Variants in SIN3A observed in about 807,000 individuals in gnomAD.
SIN3A encodes paired amphipathic helix protein Sin3a.
In SIN3A, 14 loss-of-function variants were observed where a neutral mutation model predicts 146.1. The observed-to-expected ratio is 0.10, with a 90% CI of 0.06 to 0.15. The LOEUF is 0.15. Ranked by LOEUF, SIN3A falls within the 10% of genes least tolerant of loss-of-function variation. The pLI, the probability that SIN3A is intolerant of heterozygous loss-of-function variation, is 1.00. For missense variants in SIN3A, 1,028 were observed against 1,576.0 expected, an observed-to-expected ratio of 0.65 and a Z score of 5.89; for synonymous variants, 572 against 572.0, an observed-to-expected ratio of 1.00 and a Z score of 0.00.
At chr15:75,395,424 T>C (rs1452346293) in intron 13 of SIN3A, among the ~76,000 whole-genome samples, 1 of 152,042 alleles carries the variant, frequency 6.6e-6, no homozygotes, top group Non-Finnish European at 1.5e-5. Context: ...CTGTGCCAGC[T>C]CTTGAGGGGA....
Position 75,423,902 on chromosome 15 carries a change from C to T in SIN3A, c.190-1079G>A, listed in dbSNP as rs566083104. On this transcript the variant is annotated intron_variant, in intron 2 of 20. Coordinates refer to ENST00000394947, the MANE Select transcript of SIN3A (RefSeq NM_001145358.2). The stretch of plus-strand genomic sequence containing the variant: ...TCCCAGCTACTGAGAGGCTGAGGCA[C>T]GGTAATCACTTGAACCTGGGAGGTG... Among the ~76,000 whole-genome samples the T allele has an allele frequency of 3.3e-5, 5 of 151,716 alleles. No individual in the cohort carries two copies. The East Asian group carries it at 5.9e-4, about 18-fold the overall frequency.
intron 16 of SIN3A, among the ~76,000 whole-genome samples, chr15:75,385,308 A>G (rs1210758663): frequency 6.6e-6 from 1 of 152,234 alleles, no homozygotes; most frequent in Non-Finnish European, 1.5e-5. Context: ...GGTTGGGACT[A>G]AAAGTCAAGG....
upstream of SIN3A, among the ~76,000 whole-genome samples, chr15:75,455,422 G>A (rs1022248463): frequency 1.4e-4 from 21 of 152,254 alleles, no homozygotes; most frequent in East Asian, 1.5e-3. Context: ...CACAACAGGA[G>A]TCGGGGGTCT....
At position 75,396,400 on chromosome 15, in the gene SIN3A, A is replaced by C. The variant is rs779616465; in HGVS notation, c.1951T>G (p.Phe651Val). The C allele has an allele frequency of 1.9e-6, 3 of 1,613,960 alleles. No homozygotes were observed. Among genetic ancestry groups the C allele is most frequent in the African/African-American group, 2.7e-5 (2 of 74,870 alleles). Residue 651 changes from phenylalanine to valine, a missense_variant, in exon 13 of 21, where the codon TTT (phenylalanine) becomes GTT (valine). Physicochemically the swap from Phe to Val is conservative, Grantham distance 50. Coordinates refer to ENST00000394947, the MANE Select transcript of SIN3A (RefSeq NM_001145358.2). ...CCCCCAAGGGTGTTGTCCAAGCGAA[A>C]TTTGGCTTGTTCTTCAGCAGACAAG... The part of the protein sequence containing the change: ...SRLSAEEQAK[F>V]RLDNTLGGTS...
intron 2 of SIN3A, among the ~76,000 whole-genome samples, chr15:75,423,847 A>T (rs2073880613): frequency 6.6e-6 from 1 of 152,000 alleles, no homozygotes; most frequent in South Asian, 2.1e-4. Context: ...ACCAAAAAAA[A>T]TAGCTGGACG....
In SIN3A at chr15:75,411,689, G is replaced by A. The variant is rs1330688068; in HGVS notation, c.811C>T (p.Pro271Ser). The change falls in exon 6 of 21, where the codon CCG becomes TCG. Residue 271 changes from proline (P) to serine (S), a missense_variant. By Grantham distance (74) the Pro-to-Ser change is moderately conservative (BLOSUM62 -1). This residue lies in a region of SIN3A where 112 missense variants were observed against 135.7 expected (regional missense o/e 0.83). Coordinates refer to ENST00000394947, the MANE Select transcript of SIN3A (RefSeq NM_001145358.2). The part of the protein sequence containing the change: ...PASQQTPPLP[P>S]YASPRSPPVQ... Reference sequence around the variant, plus strand: ...GGCGGAGAACGTGGGGATGCATACGGTGGAAGTGGGGGAGTCTGCTGACTG... The same window carrying A: ...GGCGGAGAACGTGGGGATGCATACGATGGAAGTGGGGGAGTCTGCTGACTG... 1.9e-6 allele frequency: 3 copies of A among 1,613,556 alleles called. No individual in the cohort carries two copies. In the South Asian group the frequency reaches 3.3e-5, roughly 18 times the overall value.
Position 75,407,632 on chromosome 15 carries a change from C to A in SIN3A, c.1318-488G>T, listed in dbSNP as rs183658368. Among the ~76,000 whole-genome samples the A allele has an allele frequency of 2.0e-3, 299 of 152,010 alleles. 4 individuals carry two copies. The highest frequency in any genetic ancestry group is 2.1e-3 in the East Asian group (11 of 5,176). ...AATTTGCTGGGCATGGTGACTCATG[C>A]CTGTAATCCCAGCACTTTGGGAGGC... On this transcript the variant is annotated intron_variant, in intron 8 of 20. Coordinates refer to ENST00000394947, the MANE Select transcript of SIN3A (RefSeq NM_001145358.2).
intron 14 of SIN3A, among the ~76,000 whole-genome samples, chr15:75,394,069 A>G (rs2073258657): frequency 6.6e-6 from 1 of 152,062 alleles, no homozygotes. Flanking sequence ...CAGCCTCCCA[A>G]AGTGCTGGGA....
chr15:75,409,346 T>G (rs181257685), intron 8 of SIN3A, among the ~76,000 whole-genome samples: 1 of 152,312 alleles, frequency 6.6e-6, no homozygotes, highest in Admixed American at 6.5e-5. Context: ...AATGTTATTC[T>G]AATACTCTTT....
chr15:75,372,105 C>T lies in SIN3A; in HGVS notation c.3696G>A (p.Lys1232=). 1 of 1,614,214 alleles carries T rather than the reference C, an allele frequency of 6.2e-7. No individual in the cohort carries two copies. The highest frequency in any genetic ancestry group is 8.5e-7 in the Non-Finnish European group (1 of 1,180,034). ...CCTCCAGCCCCTCACCCATGAGCCA[C>T]TTGCTGGTCTCTGCTGCCATTTCAC... ...VPREMAAETS[K]WLMGEGLEGL... The change falls in exon 21 of 21, where the codon AAG becomes AAA. Residue 1232 remains lysine (K), a synonymous_variant. Transcript: ENST00000394947.
At chr15:75,424,005 A>G (rs1229566124) in intron 2 of SIN3A, among the ~76,000 whole-genome samples, 1 of 152,046 alleles carries the variant, frequency 6.6e-6, no homozygotes, top group African/African-American at 2.4e-5. Flanking sequence ...CAAAAAGAAG[A>G]AAAAAAATTA....
At chr15:75,405,718 T>A (rs2073501004) in intron 9 of SIN3A, among the ~76,000 whole-genome samples, 1 of 152,080 alleles carries the variant, frequency 6.6e-6, no homozygotes, top group Admixed American at 6.6e-5. Context: ...GCCATTGCAC[T>A]CCAAGCTGGG....
intron 1 of SIN3A, among the ~76,000 whole-genome samples, chr15:75,449,623 A>G (rs1049392875): frequency 1.3e-5 from 2 of 152,206 alleles, no homozygotes; most frequent in African/African-American, 4.8e-5. Flanking sequence ...CTGATCCACA[A>G]TTCCACCCTC....
intron 2 of SIN3A, among the ~76,000 whole-genome samples, chr15:75,428,724 T>C (rs1003458915): frequency 5.9e-5 from 9 of 152,144 alleles, no homozygotes; most frequent in East Asian, 1.9e-4. Flanking sequence ...CTCAAACTCC[T>C]GGGCTCAGGC....
At chr15:75,379,343 C>CAATA (rs1290403036) in intron 19 of SIN3A, among the ~76,000 whole-genome samples, 1 of 152,018 alleles carries the variant, frequency 6.6e-6, no homozygotes, top group Non-Finnish European at 1.5e-5. Context: ...GTCTCAAGGC[C>CAATA]AATAAGATGA....
At chr15:75,427,866 G>C (rs575526513) in intron 2 of SIN3A, among the ~76,000 whole-genome samples, 3 of 152,082 alleles carry the variant, frequency 2.0e-5, no homozygotes, top group Non-Finnish European at 4.4e-5. Context: ...AGCTACTCGG[G>C]AGGCTGAGGC....
At chr15:75,415,898 G>T in intron 3 of SIN3A, 1 of 260,352 alleles carries the variant, frequency 3.8e-6, no homozygotes, top group East Asian at 9.9e-5. Flanking sequence ...GGAGAGAGAG[G>T]AGGTACCCAA....
chr15:75,442,414 C>A (rs922030997), intron 1 of SIN3A, among the ~76,000 whole-genome samples: 5 of 150,298 alleles, frequency 3.3e-5, no homozygotes, highest in African/African-American at 1.2e-4. Flanking sequence ...CTCAAGCGAT[C>A]CTCCCACCTC....
At chr15:75,410,073 G>A in intron 7 of SIN3A, 61 bp downstream of exon 7, 1 of 1,603,010 alleles carries the variant, frequency 6.2e-7, no homozygotes, top group Non-Finnish European at 8.5e-7. Flanking sequence ...TCTGAGCACA[G>A]TTTTCCAACT....
Sources: allele counts gnomAD v4.1 joint callset (sites outside exome capture counted in the v4.1 genomes callset), GRCh38; gene constraint gnomAD v4.1.1; regional missense constraint gnomAD v4.1.1; transcripts MANE v1.5; gene names NCBI Gene and HGNC (gene_info 2026-07-23, HGNC 2026-07-21).